The following NFKBIZ variants were observed in gnomAD, a reference collection of about 807,000 sequenced individuals.
NFKBIZ encodes NF-kappa-B inhibitor zeta.
In NFKBIZ, 19 loss-of-function variants were observed where a neutral mutation model predicts 76.8. The observed-to-expected ratio is 0.25, with a 90% CI of 0.17 to 0.36. NFKBIZ has a LOEUF of 0.36. NFKBIZ is among the 10% of genes least tolerant of loss of function. NFKBIZ has a pLI of 1.00. For missense variants in NFKBIZ, 829 were observed against 910.9 expected (o/e 0.91, Z 1.16); for synonymous variants, 368 against 354.8 (o/e 1.04, Z -0.42).
chr3:101,849,977 C>T, intron 1 of NFKBIZ, 60 bp downstream of exon 1: 4 of 1,317,994 alleles, frequency 3.0e-6, no homozygotes, highest in Non-Finnish European at 3.9e-6. Flanking sequence ...AGGTTGGGAG[C>T]GGGACTCCCC....
At chr3:101,840,904 A>G (rs137931763) in intron 2 of NFKBIZ, among the ~76,000 whole-genome samples, 1,959 of 152,336 alleles carry the variant, frequency 0.013, 134 homozygotes, top group Admixed American at 0.11. Flanking sequence ...ATCTCCTTTG[A>G]TGCTTTCATA....
chr3:101,831,670 C>T (rs1477020663), intron 2 of NFKBIZ, among the ~76,000 whole-genome samples: 1 of 151,290 alleles, frequency 6.6e-6, no homozygotes, highest in Non-Finnish European at 1.5e-5. Context: ...TACAGAATCT[C>T]CCTCTGTCGC....
At position 101,853,543 on chromosome 3, in the gene NFKBIZ, C is replaced by G; in HGVS notation, c.1017C>G (p.Ser339Arg). Residue 339 changes from serine (S) to arginine (R), a missense_variant, in exon 5 of 12, where the codon AGC becomes AGG. Ser to Arg is a moderately radical substitution (Grantham distance 110, BLOSUM62 -1). This residue lies in a region of NFKBIZ where 371 missense variants were observed against 332.3 expected (regional missense o/e 1.12). Transcript: ENST00000326172. ...AATCACAGTTTTGCCCAAACCAAAG[C>G]TTAGTTTCCCTTCTTGGTGATCAAA... ...GPESQFCPNQ[S>R]LVSLLGDQRE... 6.2e-7 allele frequency: 1 copy of G among 1,614,238 alleles called. No homozygotes were observed. The highest frequency in any genetic ancestry group is 1.1e-5 in the South Asian group (1 of 91,078).
At chr3:101,835,718 C>T (rs1428413924) in intron 2 of NFKBIZ, among the ~76,000 whole-genome samples, 5 of 152,314 alleles carry the variant, frequency 3.3e-5, no homozygotes, top group African/African-American at 1.2e-4. Flanking sequence ...CATCTCCAAA[C>T]ATAGCCACAT....
chr3:101,853,155 A>C lies in NFKBIZ; in HGVS notation c.629A>C (p.Gln210Pro), dbSNP rs559595314. Residue 210 changes from glutamine to proline, a missense_variant, in exon 5 of 12, where the codon CAG becomes CCG. Gln to Pro is a moderately conservative substitution (Grantham distance 76). This residue lies in a region of NFKBIZ where 371 missense variants were observed against 332.3 expected (regional missense o/e 1.12). Transcript: ENST00000326172. ...MEDVHLNEPK[Q>P]ESSADLLQNI... ...GATGTTCATCTCAATGAACCCAAAC[A>C]GGAGAGCAGTGCTGATCTGCTTCAG... The C allele has an allele frequency of 1.9e-6, 3 of 1,614,188 alleles. No homozygotes were observed. The highest frequency in any genetic ancestry group is 2.2e-5 in the East Asian group (1 of 44,894).
At chr3:101,848,317 T>C (rs1442375245), upstream of NFKBIZ, among the ~76,000 whole-genome samples, 2 of 152,240 alleles carry the variant, frequency 1.3e-5, no homozygotes, top group Admixed American at 1.3e-4. Flanking sequence ...AAAAGGGGAC[T>C]ATACACTCTA....
intron 2 of NFKBIZ, among the ~76,000 whole-genome samples, chr3:101,833,219 G>A (rs770544303): frequency 1.3e-5 from 2 of 152,168 alleles, no homozygotes; most frequent in Non-Finnish European, 2.9e-5. Context: ...ACCTAGGGAG[G>A]CTTGCTGGAG....
rs949100346 is a variant in NFKBIZ, at chr3:101,852,967, C to G, written c.542C>G (p.Ala181Gly). 14 of 1,614,178 alleles carry G rather than the reference C, an allele frequency of 8.7e-6. No homozygotes were observed. The highest frequency in any genetic ancestry group is 1.2e-5 in the Non-Finnish European group (14 of 1,180,006). Residue 181 changes from alanine to glycine, a missense_variant, in exon 4 of 12, where the codon GCT (alanine) becomes GGT (glycine). Transcript: ENST00000326172. ...GATGGACCTGCTTGCAAAAGGCCAG[C>G]TCTGTTGCATTCCCAATTTTTGGTA... ...LSDGPACKRP[A>G]LLHSQFLTPP...
upstream of NFKBIZ, among the ~76,000 whole-genome samples, chr3:101,845,778 C>T (rs1226309422): frequency 6.6e-6 from 1 of 152,174 alleles, no homozygotes; most frequent in Non-Finnish European, 1.5e-5. Flanking sequence ...TTCTTCTTTA[C>T]AGTTTCTTCC....
upstream of NFKBIZ, among the ~76,000 whole-genome samples, chr3:101,847,960 A>C (rs563243635): frequency 9.5e-3 from 1,453 of 152,316 alleles, 24 homozygotes; most frequent in African/African-American, 0.033. Flanking sequence ...CCATGGCCTG[A>C]CTGGGGACCC....
At chr3:101,850,818 C>A (rs562225765) in intron 1 of NFKBIZ, among the ~76,000 whole-genome samples, 2 of 152,130 alleles carry the variant, frequency 1.3e-5, no homozygotes, top group African/African-American at 4.8e-5. Context: ...TAAAATCATG[C>A]GAAAAGCGAT....
At chr3:101,856,544 C>G (rs561436174) in intron 9 of NFKBIZ, 1 of 152,286 alleles carries the variant, frequency 6.6e-6, no homozygotes, top group Non-Finnish European at 1.5e-5. Flanking sequence ...GTAAGGATTT[C>G]TTCATTGTTG....
intron 6 of NFKBIZ, 122 bp downstream of exon 6, chr3:101,854,805 T>A: frequency 1.3e-6 from 1 of 778,074 alleles, no homozygotes; most frequent in Non-Finnish European, 2.1e-6. Context: ...AATATTAACT[T>A]TGAGATGTTG....
chr3:101,838,038 T>A (rs1942744851), intron 2 of NFKBIZ, among the ~76,000 whole-genome samples: 1 of 152,246 alleles, frequency 6.6e-6, no homozygotes, highest in South Asian at 2.1e-4. Context: ...TTTGATTGCA[T>A]ACGTGTGAAA....
At chr3:101,832,989 G>A (rs984635946) in intron 2 of NFKBIZ, among the ~76,000 whole-genome samples, 2 of 152,218 alleles carry the variant, frequency 1.3e-5, no homozygotes, top group African/African-American at 4.8e-5. Context: ...ATGACACGAA[G>A]TTCTGAGTAA....
upstream of NFKBIZ, among the ~76,000 whole-genome samples, chr3:101,847,131 T>G (rs1942863087): frequency 6.6e-6 from 1 of 152,272 alleles, no homozygotes; most frequent in Non-Finnish European, 1.5e-5. Context: ...CTCTGTCTAC[T>G]GATTCAAATG....
upstream of NFKBIZ, among the ~76,000 whole-genome samples, chr3:101,847,871 C>T (rs377394380): frequency 2.0e-5 from 3 of 152,196 alleles, no homozygotes; most frequent in African/African-American, 7.2e-5. Context: ...CCCCCTTCGT[C>T]CTAAAACCCA....
At chr3:101,840,079 G>C (rs1942769163) in intron 2 of NFKBIZ, among the ~76,000 whole-genome samples, 1 of 152,172 alleles carries the variant, frequency 6.6e-6, no homozygotes, top group Admixed American at 6.5e-5. Context: ...TTTTAAGGCA[G>C]TTCAGATTTT....
At chr3:101,828,263 A>G (rs1322560229) in intron 1 of NFKBIZ, 2 of 151,736 alleles carry the variant, frequency 1.3e-5, no homozygotes, top group African/African-American at 4.8e-5. Flanking sequence ...TCCTATTCCC[A>G]TAGTCAGATT....
Sources: gnomAD v4.1 joint callset for allele counts (sites outside exome capture counted in the v4.1 genomes callset) on GRCh38, gnomAD v4.1.1 for gene constraint, gnomAD v4.1.1 regional missense constraint, MANE v1.5 for transcripts, NCBI Gene and HGNC (gene_info 2026-07-23, HGNC 2026-07-21) for gene names.